PLCB4: variants seen among roughly 807,000 people sequenced by gnomAD.
PLCB4 encodes the protein phospholipase C beta 4.
Under a neutral mutation model 178.8 loss-of-function variants are expected in PLCB4, and 77 were observed. The ratio of observed to expected loss-of-function variants is 0.43; its 90% CI spans 0.36 to 0.52. The LOEUF is 0.52. Ranked by LOEUF, PLCB4 falls within the 20% of genes least tolerant of loss-of-function variation. The pLI, the probability that PLCB4 is intolerant of heterozygous loss-of-function variation, is 0.00. For synonymous variants in PLCB4, 496 were observed against 490.8 expected (o/e 1.01, Z -0.14); for missense variants, 1,024 against 1,453.4 (o/e 0.70, Z 4.80).
intron 4 of PLCB4, among the ~76,000 whole-genome samples, chr20:9,329,596 G>T (rs1009235409): frequency 3.3e-5 from 5 of 152,148 alleles, no homozygotes; most frequent in African/African-American, 1.2e-4. Flanking sequence ...GTGGAAGGGG[G>T]AAAGGTCTAT....
chr20:9,220,529 G>A (rs997949733), intron 3 of PLCB4, among the ~76,000 whole-genome samples: 3 of 152,158 alleles, frequency 2.0e-5, no homozygotes, highest in Non-Finnish European at 4.4e-5. Context: ...CCAGCGATTC[G>A]AGAGGCTGAG....
Position 9,479,275 on chromosome 20 carries a change from G to T in PLCB4, c.*266G>T. On this transcript the variant is annotated 3_prime_UTR_variant, in exon 40 of 40. Coordinates refer to ENST00000378473, the MANE Select transcript of PLCB4 (RefSeq NM_001377142.1). ...TTGATAATACAACTTAAACATGTTT[G>T]CTATAAAATACCATCACAAGTAAAT... 1 of 444,928 alleles carries T rather than the reference G, an allele frequency of 2.2e-6. No individual in the cohort carries two copies. Among genetic ancestry groups the T allele is most frequent in the East Asian group, 3.9e-5 (1 of 25,850 alleles). The allele number at this position is 444,928 out of a possible 1,614,324, so 27.6% of individuals were successfully genotyped here.
chr20:9,308,744 G>A, intron 4 of PLCB4, among the ~76,000 whole-genome samples: 1 of 152,152 alleles, frequency 6.6e-6, no homozygotes, highest in Non-Finnish European at 1.5e-5. Context: ...TTGTTGACTT[G>A]ATATTTCTGC....
chr20:9,128,863 A>G (rs2092200960), intron 2 of PLCB4, among the ~76,000 whole-genome samples: 1 of 151,870 alleles, frequency 6.6e-6, no homozygotes, highest in Non-Finnish European at 1.5e-5. Flanking sequence ...CCACCATTCT[A>G]TTTTCTGTCT....
chr20:9,430,267 C>G (rs2041305855), intron 28 of PLCB4, among the ~76,000 whole-genome samples: 1 of 152,090 alleles, frequency 6.6e-6, no homozygotes, highest in Non-Finnish European at 1.5e-5. Context: ...AATGAAGCAT[C>G]CATTTCAAAT....
At chr20:9,255,996 G>A (rs569119467) in intron 3 of PLCB4, among the ~76,000 whole-genome samples, 59 of 152,194 alleles carry the variant, frequency 3.9e-4, no homozygotes, top group African/African-American at 1.3e-3. Context: ...GACTTGAAGA[G>A]TGTTTAGTAA....
At chr20:9,143,997 A>G (rs1303575525) in intron 2 of PLCB4, among the ~76,000 whole-genome samples, 1 of 152,166 alleles carries the variant, frequency 6.6e-6, no homozygotes, top group African/African-American at 2.4e-5. Flanking sequence ...GAAAGAAAAG[A>G]ACAAAGTGAA....
intron 3 of PLCB4, among the ~76,000 whole-genome samples, chr20:9,263,735 T>G (rs1365766082): frequency 6.6e-6 from 1 of 152,216 alleles, no homozygotes; most frequent in Non-Finnish European, 1.5e-5. Flanking sequence ...TTAAGGTGTT[T>G]CTGCTAGAAA....
intron 19 of PLCB4, 138 bp downstream of exon 19, chr20:9,395,756 G>A (rs1827999718): frequency 1.7e-6 from 1 of 580,388 alleles, no homozygotes; most frequent in African/African-American, 1.9e-5. Context: ...TTGAGCCCAG[G>A]AGTTCAAGAC....
At chr20:9,071,433 C>CT (rs1390808593) in intron 1 of PLCB4, among the ~76,000 whole-genome samples, 1 of 152,158 alleles carries the variant, frequency 6.6e-6, no homozygotes, top group Admixed American at 6.5e-5. Flanking sequence ...ACCTCACCCT[C>CT]TAAGTAAAAT....
intron 2 of PLCB4, among the ~76,000 whole-genome samples, chr20:9,206,056 TTC>T (rs2093609994): frequency 6.6e-6 from 1 of 152,212 alleles, no homozygotes; most frequent in Non-Finnish European, 1.5e-5. Context: ...TTCATTGTGT[TTC>T]TATTGGACAG....
chr20:9,317,506 G>A (rs1393327875), intron 4 of PLCB4, among the ~76,000 whole-genome samples: 1 of 152,118 alleles, frequency 6.6e-6, no homozygotes, highest in Non-Finnish European at 1.5e-5. Flanking sequence ...TGGAGGAATG[G>A]AAGCATCTCC....
At chr20:9,280,429 G>T (rs773176350) in intron 3 of PLCB4, 10 of 983,052 alleles carry the variant, frequency 1.0e-5, no homozygotes, top group South Asian at 4.7e-5. Context: ...TCTCCACTTC[G>T]ATCTGAAAGA....
intron 1 of PLCB4, among the ~76,000 whole-genome samples, chr20:9,092,032 T>C (rs1473408102): frequency 6.6e-6 from 1 of 152,178 alleles, no homozygotes; most frequent in African/African-American, 2.4e-5. Context: ...GGTGCATTTC[T>C]GAGGCCCTAT....
chr20:9,098,713 A>G (rs555897015), intron 2 of PLCB4, among the ~76,000 whole-genome samples: 7 of 144,294 alleles, frequency 4.9e-5, no homozygotes, highest in East Asian at 2.0e-4. Flanking sequence ...ATATACATAT[A>G]TACGTGTGTG....
intron 1 of PLCB4, among the ~76,000 whole-genome samples, chr20:9,089,226 A>G (rs1323449741): frequency 6.6e-6 from 1 of 151,940 alleles, no homozygotes; most frequent in Non-Finnish European, 1.5e-5. Context: ...AAAGTTATAA[A>G]TTTAATTTTG....
intron 2 of PLCB4, among the ~76,000 whole-genome samples, chr20:9,116,793 ACATCTTT>A (rs2091795117): frequency 6.6e-6 from 1 of 152,176 alleles, no homozygotes; most frequent in African/African-American, 2.4e-5. Context: ...TGGGGAATGG[ACATCTTT>A]AACATATCGA....
chr20:9,455,762 C>T (rs1256943828), intron 33 of PLCB4, among the ~76,000 whole-genome samples: 1 of 152,176 alleles, frequency 6.6e-6, no homozygotes, highest in East Asian at 1.9e-4. Context: ...TTAAAAGTTA[C>T]TTCAAAATCA....
intron 9 of PLCB4, among the ~76,000 whole-genome samples, chr20:9,370,766 A>C (rs2036182632): frequency 6.6e-6 from 1 of 151,828 alleles, no homozygotes; most frequent in Non-Finnish European, 1.5e-5. Context: ...AAAATTAGCC[A>C]GGTGTGGTGG....
Sources: gnomAD v4.1 joint callset for allele counts (sites outside exome capture counted in the v4.1 genomes callset) on GRCh38, gnomAD v4.1.1 for gene constraint, MANE v1.5 for transcripts, NCBI Gene and HGNC (gene_info 2026-07-23, HGNC 2026-07-21) for gene names.